The following VWA3B variants were observed in gnomAD, a reference collection of about 807,000 sequenced individuals.
VWA3B encodes the protein von Willebrand factor A domain-containing protein 3B.
Under a neutral mutation model 158.3 loss-of-function variants are expected in VWA3B, and 138 were observed. The observed-to-expected ratio is 0.87, with a 90% confidence interval of 0.76 to 1.00. The LOEUF (loss-of-function observed/expected upper bound fraction) is 1.00. VWA3B is among the 50% of genes least tolerant of loss of function. VWA3B has a pLI of 0.00. For missense variants in VWA3B, 1,555 were observed against 1,565.1 expected (o/e 0.99, Z 0.11); for synonymous variants, 596 against 587.3 (o/e 1.01, Z -0.21).
intron 8 of VWA3B, among the ~76,000 whole-genome samples, chr2:98,168,229 C>T (rs1041831721): frequency 1.3e-5 from 2 of 152,096 alleles, no homozygotes; most frequent in Admixed American, 6.5e-5. Context: ...AAAGCTAATA[C>T]GAGGCATATT....
At chr2:98,260,188 T>G (rs1166179908) in intron 21 of VWA3B, among the ~76,000 whole-genome samples, 2 of 151,810 alleles carry the variant, frequency 1.3e-5, no homozygotes, top group African/African-American at 4.8e-5. Flanking sequence ...TAATGTATAT[T>G]CTGATGTTGC....
chr2:98,097,359 T>C (rs1429375203), intron 2 of VWA3B, among the ~76,000 whole-genome samples: 2 of 152,206 alleles, frequency 1.3e-5, no homozygotes, highest in Non-Finnish European at 2.9e-5. Context: ...TGGTATTTAG[T>C]TTTCCATTCC....
At chr2:98,168,714 T>C (rs951917552) in intron 8 of VWA3B, among the ~76,000 whole-genome samples, 1 of 152,000 alleles carries the variant, frequency 6.6e-6, no homozygotes, top group Non-Finnish European at 1.5e-5. Flanking sequence ...CTGAATGGAA[T>C]CAATAGCAGA....
rs1674820709 is a variant in VWA3B, at chr2:98,119,844, C to T, written c.542+81C>T. ...ATTTGGAATTAAGTAGCACAGCTGACACAGTTAGCTCTCTGGTGAGGGAAG... is the reference window on the plus strand; with the variant it reads ...ATTTGGAATTAAGTAGCACAGCTGATACAGTTAGCTCTCTGGTGAGGGAAG... On this transcript the variant is annotated intron_variant, in intron 4 of 27. Coordinates refer to ENST00000477737, the MANE Select transcript of VWA3B (RefSeq NM_144992.5). The T allele has an allele frequency of 2.0e-6, 3 of 1,530,730 alleles. No homozygotes were observed. The Admixed American group carries it at 5.2e-5, about 27-fold the overall frequency. The allele number at this position is 1,530,730 out of a possible 1,614,324, so 94.8% of individuals were successfully genotyped here.
At chr2:98,161,319 C>G (rs920016600) in intron 7 of VWA3B, among the ~76,000 whole-genome samples, 3 of 152,230 alleles carry the variant, frequency 2.0e-5, no homozygotes, top group Non-Finnish European at 4.4e-5. Flanking sequence ...CTCAATTTCC[C>G]TTGCTGCCAG....
chr2:98,228,164 A>G (rs369462599), intron 14 of VWA3B, 38 bp from the exon 15 acceptor site: 3 of 1,564,364 alleles, frequency 1.9e-6, no homozygotes, highest in African/African-American at 1.4e-5. Flanking sequence ...AGCTCTTTTT[A>G]TCTAGTCTTA....
At chr2:98,247,123 G>A (rs903690476) in intron 19 of VWA3B, among the ~76,000 whole-genome samples, 13 of 151,488 alleles carry the variant, frequency 8.6e-5, no homozygotes, top group Admixed American at 5.9e-4. Flanking sequence ...TCAGCCTCCC[G>A]AGTAGCTTGG....
chr2:98,268,160 A>T (rs1306014331), intron 21 of VWA3B, among the ~76,000 whole-genome samples: 1 of 151,608 alleles, frequency 6.6e-6, no homozygotes, highest in Admixed American at 6.6e-5. Context: ...AATCAATAGA[A>T]AAAGAGGGAA....
intron 8 of VWA3B, among the ~76,000 whole-genome samples, chr2:98,176,985 G>A (rs1481342326): frequency 2.0e-5 from 3 of 152,306 alleles, no homozygotes; most frequent in South Asian, 2.1e-4. Flanking sequence ...GGAATGAGGT[G>A]CCAGGCAAGT....
Position 98,311,986 on chromosome 2 carries a change from G to T in VWA3B, c.3689G>T (p.Gly1230Val), listed in dbSNP as rs770327795. Residue 1230 changes from glycine to valine, a missense_variant, in exon 27 of 28, where the codon GGC becomes GTC. Transcript: ENST00000477737. ...TCGGACTCGGACGGCTCCTCCCACG[G>T]CATCAGCTCCCATGGGTCCTGCCAG... ...APSDSDGSSH[G>V]ISSHGSCQGT... 1.2e-6 allele frequency: 2 copies of T among 1,603,322 alleles called. No individual in the cohort carries two copies. The highest frequency in any genetic ancestry group is 2.2e-5 in the South Asian group (2 of 89,274).
intron 2 of VWA3B, among the ~76,000 whole-genome samples, chr2:98,104,569 T>C (rs368146684): frequency 2.4e-4 from 37 of 152,296 alleles, no homozygotes; most frequent in African/African-American, 6.7e-4. Context: ...ACCTCCAACA[T>C]TGGGGATCAA....
In VWA3B at chr2:98,256,110, T is replaced by C. The variant is rs1427525122; in HGVS notation, c.2793-14T>C. On this transcript the variant is annotated splice_polypyrimidine_tract_variant and intron_variant, in intron 20 of 27. Coordinates refer to ENST00000477737, the MANE Select transcript of VWA3B (RefSeq NM_144992.5). ...ACTGCTACAAAATTATTGTTGACTT[T>C]TTTTTTTTAACAGGCGCTTGAATAA... 2 of 1,612,136 alleles carry C rather than the reference T, an allele frequency of 1.2e-6. No individual in the cohort carries two copies. Among genetic ancestry groups the C allele is most frequent in the Non-Finnish European group, 8.5e-7 (1 of 1,179,202 alleles).
chr2:98,122,532 A>T (rs896634182), intron 5 of VWA3B, among the ~76,000 whole-genome samples: 2 of 152,236 alleles, frequency 1.3e-5, no homozygotes, highest in Non-Finnish European at 2.9e-5. Flanking sequence ...GATACAAGCT[A>T]GTTTGTTCCT....
chr2:98,315,974 T>C (rs908936500), downstream of VWA3B, among the ~76,000 whole-genome samples: 1 of 152,248 alleles, frequency 6.6e-6, no homozygotes, highest in Non-Finnish European at 1.5e-5. Context: ...CAGTTGATTC[T>C]CACTATTCAT....
chr2:98,329,184 C>T, the VWA3B span, among the ~76,000 whole-genome samples: 1 of 152,052 alleles, frequency 6.6e-6, no homozygotes, highest in Admixed American at 6.6e-5. Context: ...TAAAAATTCA[C>T]AGGAAATAGA....
At chr2:98,322,549 G>T in the VWA3B span, among the ~76,000 whole-genome samples, 2 of 152,184 alleles carry the variant, frequency 1.3e-5, no homozygotes, top group Non-Finnish European at 2.9e-5. Context: ...AAAAAATTAG[G>T]CAGAAACTAG....
chr2:98,258,630 T>C (rs547132493), intron 21 of VWA3B, among the ~76,000 whole-genome samples: 1 of 151,986 alleles, frequency 6.6e-6, no homozygotes, highest in East Asian at 1.9e-4. Context: ...AACTTCATTT[T>C]CAGATTGTTC....
intron 12 of VWA3B, among the ~76,000 whole-genome samples, chr2:98,210,228 C>T (rs1271601144): frequency 2.0e-5 from 3 of 152,168 alleles, no homozygotes; most frequent in African/African-American, 4.8e-5. Context: ...GAGTCTGGAG[C>T]GTGCAGCATC....
rs186787185 is a variant in VWA3B at position 98,278,751 on chromosome 2, G to T, written c.3045+7868G>T. Among the ~76,000 whole-genome samples the T allele has an allele frequency of 7.3e-5, 11 of 151,702 alleles. No individual in the cohort carries two copies. The East Asian group carries it at 1.5e-3, about 21-fold the overall frequency. On this transcript the variant is annotated intron_variant, in intron 22 of 27. Transcript: ENST00000477737. The stretch of plus-strand genomic sequence containing the variant: ...CCTGGAGTTTTTATGGGTACAGGAT[G>T]GGGGGGTGGTGTGGGCCAGAGTGGT...
Sources: gnomAD v4.1 joint callset for allele counts (sites outside exome capture counted in the v4.1 genomes callset) on GRCh38, gnomAD v4.1.1 for gene constraint, MANE v1.5 for transcripts, NCBI Gene and HGNC (gene_info 2026-07-23, HGNC 2026-07-21) for gene names.